The following DSCAM variants were observed in gnomAD, a reference collection of about 807,000 sequenced individuals.
DSCAM encodes the protein DS cell adhesion molecule.
DSCAM carries 47 observed loss-of-function variants against 217.7 expected under a neutral mutation model. The observed-to-expected ratio is 0.22, with a 90% CI of 0.17 to 0.28. The LOEUF (loss-of-function observed/expected upper bound fraction) is 0.28. Ranked by LOEUF, DSCAM falls within the 10% of genes least tolerant of loss-of-function variation. DSCAM has a pLI of 1.00. For synonymous variants in DSCAM, 1,056 were observed against 1,015.3 expected, an observed-to-expected ratio of 1.04 and a Z score of -0.76; for missense variants, 2,080 against 2,618.3, an observed-to-expected ratio of 0.79 and a Z score of 4.49.
At position 40,817,084 on chromosome 21, in the gene DSCAM, T is replaced by C. The variant is rs1196222747; in HGVS notation, c.43+29535A>G. ...ATTTAAAGATATGCAGTAAATTAGA[T>C]TCTTTTTTTTTTTTGGTGCCAACAA... On this transcript the variant is annotated intron_variant, in intron 1 of 32. Transcript: ENST00000400454. Among the ~76,000 whole-genome samples the C allele has an allele frequency of 8.4e-5, 10 of 119,750 alleles. No individual in the cohort carries two copies. The East Asian group carries it at 2.8e-3, about 34-fold the overall frequency. The allele number at this position is 119,750 out of a possible 152,430, so 78.6% of individuals were successfully genotyped here. A position where few individuals can be genotyped will look rare whatever the true frequency, so the allele number is the denominator to read the frequency against.
intron 11 of DSCAM, among the ~76,000 whole-genome samples, chr21:40,254,049 A>T (rs1216452670): frequency 1.3e-5 from 2 of 152,186 alleles, no homozygotes; most frequent in Admixed American, 6.5e-5. Context: ...AACTCATGGG[A>T]TCTGATACGA....
chr21:40,309,278 T>C (rs1219150527), intron 9 of DSCAM, among the ~76,000 whole-genome samples: 1 of 152,184 alleles, frequency 6.6e-6, no homozygotes, highest in African/African-American at 2.4e-5. Flanking sequence ...TGACACCAGG[T>C]CATAAACAAT....
intron 11 of DSCAM, among the ~76,000 whole-genome samples, chr21:40,210,809 T>G (rs9636967): frequency 0.055 from 8,402 of 152,278 alleles, 366 homozygotes; most frequent in East Asian, 0.13. Context: ...CCTCTCAAAG[T>G]GCTGGGTTTA....
At chr21:40,309,544 A>G (rs1285028577) in intron 9 of DSCAM, among the ~76,000 whole-genome samples, 8 of 151,940 alleles carry the variant, frequency 5.3e-5, no homozygotes, top group Admixed American at 4.6e-4. Flanking sequence ...TGCCCTAGTG[A>G]CTGCTGGGAC....
chr21:40,602,661 A>G (rs2146263897), intron 3 of DSCAM, among the ~76,000 whole-genome samples: 1 of 152,274 alleles, frequency 6.6e-6, no homozygotes, highest in Non-Finnish European at 1.5e-5. Flanking sequence ...TTTAACATCT[A>G]TGAAAGCATT....
Position 40,530,280 on chromosome 21 carries a change from A to G in DSCAM, c.509-161035T>C, listed in dbSNP as rs187506703. ...AAACTCCATTTATTGTTTAAGTCACATACAGATTTGATAAGCTCTCTTTTC... is the reference window on the plus strand; with the variant it reads ...AAACTCCATTTATTGTTTAAGTCACGTACAGATTTGATAAGCTCTCTTTTC... On this transcript the variant is annotated intron_variant, in intron 3 of 32. Transcript: ENST00000400454. 2.5e-3 allele frequency among the ~76,000 whole-genome samples: 379 copies of G among 152,362 alleles called. 3 individuals are homozygous for G. The highest frequency in any genetic ancestry group is 6.5e-3 in the Admixed American group (99 of 15,310).
chr21:40,027,485 T>C (rs1343996149), intron 32 of DSCAM, among the ~76,000 whole-genome samples: 1 of 146,444 alleles, frequency 6.8e-6, no homozygotes, highest in Non-Finnish European at 1.5e-5. Flanking sequence ...TCAACTTGGT[T>C]CCATTCTCCC....
At chr21:40,258,051 C>T (rs116838101) in intron 11 of DSCAM, among the ~76,000 whole-genome samples, 1,689 of 152,254 alleles carry the variant, frequency 0.011, 34 homozygotes, top group African/African-American at 0.038. Context: ...GTTTTGTTTC[C>T]ATTTTCTAGC....
chr21:40,174,532 T>A (rs1026787505), intron 15 of DSCAM, among the ~76,000 whole-genome samples: 3 of 45,466 alleles, frequency 6.6e-5, no homozygotes, highest in African/African-American at 6.0e-4. Flanking sequence ...CATGTTATTC[T>A]TTTTTTTTTT....
At chr21:40,668,010 T>G (rs1184974353) in intron 3 of DSCAM, among the ~76,000 whole-genome samples, 1 of 152,194 alleles carries the variant, frequency 6.6e-6, no homozygotes, top group Non-Finnish European at 1.5e-5. Context: ...TTTCCAAATT[T>G]TTATCTGGAA....
chr21:40,453,040 T>TTGTGTGTGTGTGTGTGTG (rs3069917), intron 3 of DSCAM, among the ~76,000 whole-genome samples: 7 of 134,424 alleles, frequency 5.2e-5, no homozygotes, highest in South Asian at 5.5e-4. Context: ...TTTAAAGACT[T>TTGTGTGTGTGTGTGTGTG]TGTGTGTGTG....
At chr21:40,652,940 G>C (rs1195324305) in intron 3 of DSCAM, among the ~76,000 whole-genome samples, 1 of 152,124 alleles carries the variant, frequency 6.6e-6, no homozygotes, top group Non-Finnish European at 1.5e-5. Flanking sequence ...CACTCTATGT[G>C]ACTAACCCCT....
At chr21:40,383,051 T>A (rs1024355514) in intron 3 of DSCAM, 4 of 152,216 alleles carry the variant, frequency 2.6e-5, no homozygotes, top group African/African-American at 9.7e-5. Flanking sequence ...TATATCTGGC[T>A]GGGCAGGTCA....
chr21:40,297,978 A>C (rs1207274085), intron 9 of DSCAM, among the ~76,000 whole-genome samples: 7 of 152,220 alleles, frequency 4.6e-5, no homozygotes, highest in Non-Finnish European at 8.8e-5. Context: ...AGGATTGTTA[A>C]GATGATCAAA....
intron 11 of DSCAM, among the ~76,000 whole-genome samples, chr21:40,267,629 GCTTACACCTGTAAT>G (rs2073557047): frequency 6.6e-6 from 1 of 152,192 alleles, no homozygotes; most frequent in East Asian, 1.9e-4. Flanking sequence ...GGGTGTGGTG[GCTTACACCTGTAAT>G]CCCAACATTT....
chr21:40,071,552 A>G (rs1302915467), intron 27 of DSCAM, among the ~76,000 whole-genome samples: 4 of 152,238 alleles, frequency 2.6e-5, no homozygotes, highest in Non-Finnish European at 5.9e-5. Context: ...ACCATATAAA[A>G]TTGATCCCAC....
intron 16 of DSCAM, among the ~76,000 whole-genome samples, chr21:40,158,040 G>C (rs1036101458): frequency 6.6e-6 from 1 of 152,196 alleles, no homozygotes; most frequent in African/African-American, 2.4e-5. Context: ...TGACTAAAGA[G>C]AATTTTAGAC....
intron 11 of DSCAM, among the ~76,000 whole-genome samples, chr21:40,259,490 C>T (rs2073418898): frequency 1.3e-5 from 2 of 152,122 alleles, no homozygotes; most frequent in South Asian, 4.2e-4. Context: ...GCAGATCCCA[C>T]AGCACCAACC....
At chr21:40,548,575 G>A (rs1278372191) in intron 3 of DSCAM, among the ~76,000 whole-genome samples, 1 of 151,628 alleles carries the variant, frequency 6.6e-6, no homozygotes, top group African/African-American at 2.4e-5. Context: ...TAAATTATCA[G>A]AGAAAGATCT....
Sources: gnomAD v4.1 joint callset for allele counts (sites outside exome capture counted in the v4.1 genomes callset) on GRCh38, gnomAD v4.1.1 for gene constraint, MANE v1.5 for transcripts, NCBI Gene and HGNC (gene_info 2026-07-23, HGNC 2026-07-21) for gene names.